Variants in DOCK2 observed in about 807,000 individuals in gnomAD.
DOCK2 encodes dedicator of cytokinesis 2, also known as dedicator of cytokinesis protein 2.
DOCK2 carries 87 observed loss-of-function variants against 248.9 expected under a neutral mutation model. The ratio of observed to expected loss-of-function variants is 0.35; its 90% CI spans 0.29 to 0.42. The LOEUF (loss-of-function observed/expected upper bound fraction) is 0.42. Ranked by LOEUF, DOCK2 falls within the 10% of genes least tolerant of loss-of-function variation. The probability of loss-of-function intolerance (pLI) is 1.00; values close to 1 mark genes in which losing one functional copy is unlikely to be tolerated. For missense variants in DOCK2, 1,747 were observed against 2,300.2 expected, an observed-to-expected ratio of 0.76 and a Z score of 4.92; for synonymous variants, 805 against 821.6, an observed-to-expected ratio of 0.98 and a Z score of 0.35.
At chr5:170,001,818 T>C (rs1462668436) in intron 30 of DOCK2, among the ~76,000 whole-genome samples, 1 of 152,206 alleles carries the variant, frequency 6.6e-6, no homozygotes, top group Non-Finnish European at 1.5e-5. Flanking sequence ...GTTTAAAATA[T>C]GACACAGATG....
At chr5:169,927,380 C>A (rs1215201421) in intron 27 of DOCK2, among the ~76,000 whole-genome samples, 1 of 152,104 alleles carries the variant, frequency 6.6e-6, no homozygotes, top group Non-Finnish European at 1.5e-5. Flanking sequence ...ATTGCTGGAC[C>A]CCATCCCTAG....
At chr5:169,857,294 G>A (rs1770944719) in intron 27 of DOCK2, among the ~76,000 whole-genome samples, 1 of 152,202 alleles carries the variant, frequency 6.6e-6, no homozygotes, top group African/African-American at 2.4e-5. Context: ...TGTGCAGAAT[G>A]CATTGGGATT....
intron 29 of DOCK2, among the ~76,000 whole-genome samples, chr5:169,994,124 T>C (rs1427552419): frequency 6.6e-6 from 1 of 152,162 alleles, no homozygotes; most frequent in Non-Finnish European, 1.5e-5. Context: ...GTTTAGTTTT[T>C]GACATGTAAG....
intron 26 of DOCK2, among the ~76,000 whole-genome samples, chr5:169,807,051 C>T (rs1767415288): frequency 6.6e-6 from 1 of 151,972 alleles, no homozygotes; most frequent in Non-Finnish European, 1.5e-5. Flanking sequence ...GAGACCTGGG[C>T]AGGGCGTCAC....
chr5:169,931,245 AGG>A (rs1387083584), intron 27 of DOCK2, among the ~76,000 whole-genome samples: 2 of 152,254 alleles, frequency 1.3e-5, no homozygotes, highest in African/African-American at 4.8e-5. Context: ...AAAGACGACC[AGG>A]AGAGTGAGGA....
chr5:169,883,966 G>A (rs1581354889), intron 27 of DOCK2: 4 of 1,359,788 alleles, frequency 2.9e-6, no homozygotes, highest in East Asian at 2.5e-5. Context: ...GGTCTTTGGA[G>A]CAGTATCTAA....
At chr5:169,974,785 T>A (rs949157469) in intron 27 of DOCK2, among the ~76,000 whole-genome samples, 2 of 152,190 alleles carry the variant, frequency 1.3e-5, no homozygotes, top group African/African-American at 4.8e-5. Flanking sequence ...ACATGGAGAA[T>A]AAATCCTTGT....
At chr5:169,661,243 A>G (rs941336745) in intron 2 of DOCK2, among the ~76,000 whole-genome samples, 1 of 152,202 alleles carries the variant, frequency 6.6e-6, no homozygotes, top group Non-Finnish European at 1.5e-5. Flanking sequence ...CAGGTCCATG[A>G]TTGCACAGTT....
intron 27 of DOCK2, among the ~76,000 whole-genome samples, chr5:169,972,586 T>TAGATAGATAGATAGATGATA (rs1554122913): frequency 2.9e-5 from 2 of 68,956 alleles, no homozygotes; most frequent in African/African-American, 7.0e-5. Context: ...GATAGATAGA[T>TAGATAGATAGATAGATGATA]GATAGATAGA....
At chr5:169,742,318 T>C (rs550887069) in intron 22 of DOCK2, among the ~76,000 whole-genome samples, 3 of 152,238 alleles carry the variant, frequency 2.0e-5, no homozygotes, top group Non-Finnish European at 4.4e-5. Context: ...CTAATGGCTT[T>C]ATGTGCATTG....
chr5:169,733,558 TTTCTC>T (rs1175909970), intron 22 of DOCK2, among the ~76,000 whole-genome samples: 1 of 152,142 alleles, frequency 6.6e-6, no homozygotes. Flanking sequence ...CTCATCACTC[TTTCTC>T]TTATCTTAGA....
chr5:169,724,159 G>T (rs936391247), intron 22 of DOCK2, among the ~76,000 whole-genome samples: 1 of 152,170 alleles, frequency 6.6e-6, no homozygotes, highest in African/African-American at 2.4e-5. Context: ...CTGAGGGAGG[G>T]CGACTCTGAC....
intron 26 of DOCK2, among the ~76,000 whole-genome samples, chr5:169,804,469 TGTGTGTGTGTGTGTGTGC>T (rs1338556208): frequency 4.0e-5 from 3 of 75,820 alleles, no homozygotes; most frequent in African/African-American, 9.5e-5. Flanking sequence ...TGTGTGTGTG[TGTGTGTGTGTGTGTGTGC>T]GCGCGCGCGT....
At chr5:169,772,022 G>C (rs1335300956) in intron 25 of DOCK2, among the ~76,000 whole-genome samples, 1 of 152,158 alleles carries the variant, frequency 6.6e-6, no homozygotes, top group African/African-American at 2.4e-5. Context: ...CTCCATGCCA[G>C]TGTCATTTTG....
At chr5:169,787,365 A>T (rs1766049456) in intron 25 of DOCK2, among the ~76,000 whole-genome samples, 2 of 152,174 alleles carry the variant, frequency 1.3e-5, no homozygotes, top group Admixed American at 6.6e-5. Context: ...AGATGGTTCC[A>T]TCCCTACCTT....
chr5:169,971,010 C>A (rs1184316363), intron 27 of DOCK2, among the ~76,000 whole-genome samples: 1 of 152,046 alleles, frequency 6.6e-6, no homozygotes, highest in Admixed American at 6.5e-5. Flanking sequence ...GGAGGACCTG[C>A]GTTCATGCCA....
intron 26 of DOCK2, among the ~76,000 whole-genome samples, chr5:169,823,608 A>T (rs1023520736): frequency 2.0e-5 from 3 of 152,350 alleles, no homozygotes; most frequent in Admixed American, 2.0e-4. Flanking sequence ...TTAGGTATTG[A>T]TGGGACGTAC....
At chr5:169,776,596 A>G (rs1034130365) in intron 25 of DOCK2, among the ~76,000 whole-genome samples, 19 of 152,224 alleles carry the variant, frequency 1.2e-4, no homozygotes, top group African/African-American at 4.6e-4. Flanking sequence ...CACTGGCTAT[A>G]GTCAATTTTA....
chr5:170,004,145 T>C (rs1197496580), intron 30 of DOCK2, among the ~76,000 whole-genome samples: 1 of 152,256 alleles, frequency 6.6e-6, no homozygotes, highest in Non-Finnish European at 1.5e-5. Context: ...CTATGACTCA[T>C]AATAGTCAAA....
Sources: gnomAD v4.1 joint callset for allele counts (sites outside exome capture counted in the v4.1 genomes callset) on GRCh38, gnomAD v4.1.1 for gene constraint, MANE v1.5 for transcripts, NCBI Gene and HGNC (gene_info 2026-07-23, HGNC 2026-07-21) for gene names.